The following FNDC8 variants were observed in gnomAD, a reference collection of about 807,000 sequenced individuals.
FNDC8 encodes the protein fibronectin type III domain containing 8, also known as fibronectin type III domain-containing protein 8.
A neutral mutation model predicts 24.8 loss-of-function variants in FNDC8; 23 were observed. The observed-to-expected ratio is 0.93, with a 90% CI of 0.67 to 1.31. The LOEUF (loss-of-function observed/expected upper bound fraction) is 1.31. Ranked by LOEUF, FNDC8 falls within the 40% of genes most tolerant of loss-of-function variation. The pLI is 0.00. For missense variants in FNDC8, 371 were observed against 398.2 expected, an observed-to-expected ratio of 0.93 and a Z score of 0.58; for synonymous variants, 158 against 165.3, an observed-to-expected ratio of 0.96 and a Z score of 0.34.
At chr17:35,126,544 C>T (rs1407474061) in intron 1 of FNDC8, among the ~76,000 whole-genome samples, 2 of 149,384 alleles carry the variant, frequency 1.3e-5, no homozygotes, top group Non-Finnish European at 1.5e-5. Context: ...ACTCTGTCAC[C>T]CAGGCTGGAG....
In FNDC8 at chr17:35,127,146, C is replaced by A; in HGVS notation, c.314C>A (p.Pro105His). The A allele has an allele frequency of 1.2e-6, 2 of 1,614,202 alleles. No individual in the cohort carries two copies. Among genetic ancestry groups the A allele is most frequent in the South Asian group, 2.2e-5 (2 of 91,084 alleles). The change falls in exon 2 of 4, where the codon CCC (proline) becomes CAC (histidine). Residue 105 changes from proline (P) to histidine (H), a missense_variant. Pro to His is a moderately conservative substitution (Grantham distance 77). Transcript: ENST00000158009. Reference sequence around the variant, plus strand: ...CCCATCAAATTAGCTGTGACCCAGCCCAACAGCAGCTTCTTTGCAGGGATG... The same window carrying A: ...CCCATCAAATTAGCTGTGACCCAGCACAACAGCAGCTTCTTTGCAGGGATG... ...LNPIKLAVTQ[P>H]NSSFFAGMLE... is the part of the protein sequence containing the mutation.
At position 35,130,684 on chromosome 17, in the gene FNDC8, T is replaced by C. The variant is rs991574393; in HGVS notation, c.*250T>C. 2 of 503,956 alleles carry C rather than the reference T, an allele frequency of 4.0e-6. No homozygotes were observed. Among genetic ancestry groups the C allele is most frequent in the Non-Finnish European group, 7.1e-6 (2 of 281,530 alleles). The allele number at this position is 503,956 out of a possible 1,614,324, so 31.2% of individuals were successfully genotyped here. On this transcript the variant is annotated 3_prime_UTR_variant, in exon 4 of 4. Coordinates refer to ENST00000158009, the MANE Select transcript of FNDC8 (RefSeq NM_017559.4). Reference sequence around the variant, plus strand: ...CTGCTAGACTCCCTCCTCCTCCAAATCTGGGCTGGGTCTAGGTCCCTCATT... The same window carrying C: ...CTGCTAGACTCCCTCCTCCTCCAAACCTGGGCTGGGTCTAGGTCCCTCATT...
Position 35,130,569 on chromosome 17 carries a change from C to A in FNDC8, c.*135C>A. 1 of 937,150 alleles carries A rather than the reference C, an allele frequency of 1.1e-6. No individual in the cohort carries two copies. Among genetic ancestry groups the A allele is most frequent in the Non-Finnish European group, 1.6e-6 (1 of 642,706 alleles). 58.1% of individuals were successfully genotyped at this position (937,150 alleles called of 1,614,324 possible). A position where few individuals can be genotyped will look rare whatever the true frequency, so the allele number is the denominator to read the frequency against. On this transcript the variant is annotated 3_prime_UTR_variant, in exon 4 of 4. Transcript: ENST00000158009. ...CTGGCAGAGTGGTATGGGCACCCCA[C>A]CCCTGGGCTGGGGCCAAGGCTACAT...
intron 1 of FNDC8, among the ~76,000 whole-genome samples, chr17:35,126,348 G>C (rs2091849052): frequency 6.6e-6 from 1 of 152,088 alleles, no homozygotes; most frequent in Non-Finnish European, 1.5e-5. Context: ...ATAAACATTA[G>C]TGAAATTGAA....
intron 1 of FNDC8, 96 bp from the exon 2 acceptor site, chr17:35,126,946 G>A: frequency 6.9e-7 from 1 of 1,454,416 alleles, no homozygotes. Context: ...CAAATGGCTG[G>A]GGATGCTGGT....
intron 1 of FNDC8, 140 bp downstream of exon 1, chr17:35,122,042 T>C: frequency 1.5e-6 from 1 of 650,576 alleles, no homozygotes; most frequent in Non-Finnish European, 2.6e-6. Context: ...TGGAGTGCAG[T>C]GGTGCAATCT....
rs1466711490 is a variant in FNDC8 at position 35,130,641 on chromosome 17, C to T, written c.*207C>T. The T allele has an allele frequency of 7.0e-6, 4 of 571,796 alleles. No individual in the cohort carries two copies. Among genetic ancestry groups the T allele is most frequent in the African/African-American group, 5.6e-5 (3 of 53,328 alleles). 35.4% of individuals were successfully genotyped at this position (571,796 alleles called of 1,614,324 possible). A position where few individuals can be genotyped will look rare whatever the true frequency, so the allele number is the denominator to read the frequency against. On this transcript the variant is annotated 3_prime_UTR_variant, in exon 4 of 4. Coordinates refer to ENST00000158009, the MANE Select transcript of FNDC8 (RefSeq NM_017559.4). ...GCATCTCAGGCCAGGCCATGCCAGG[C>T]TCAGCCACTGCCCACAGCTGCTAGA... is the stretch of plus-strand genomic sequence containing the variant.
chr17:35,126,776 A>G (rs969655178), intron 1 of FNDC8, among the ~76,000 whole-genome samples: 1 of 152,238 alleles, frequency 6.6e-6, no homozygotes, highest in Non-Finnish European at 1.5e-5. Context: ...CTGGGATTAT[A>G]GGCGTGAGCC....
intron 1 of FNDC8, among the ~76,000 whole-genome samples, chr17:35,122,210 A>ATTAAT (rs2091832366): frequency 2.2e-5 from 1 of 44,800 alleles, no homozygotes; most frequent in Non-Finnish European, 4.3e-5. Flanking sequence ...ATATATATAA[A>ATTAAT]TTTTTTTTTT....
intron 3 of FNDC8, 196 bp from the exon 4 acceptor site, chr17:35,130,086 G>C: frequency 9.8e-6 from 14 of 1,421,952 alleles, no homozygotes; most frequent in Non-Finnish European, 1.3e-5. Context: ...CCCTTTGGTT[G>C]GAAATATCCC....
At chr17:35,124,457 G>C (rs771664715) in intron 1 of FNDC8, among the ~76,000 whole-genome samples, 1 of 152,114 alleles carries the variant, frequency 6.6e-6, no homozygotes, top group African/African-American at 2.4e-5. Flanking sequence ...CACCCAGGAG[G>C]CGGAGGTTGC....
intron 3 of FNDC8, 70 bp downstream of exon 3, chr17:35,129,728 G>C: frequency 6.4e-7 from 1 of 1,557,584 alleles, no homozygotes; most frequent in Non-Finnish European, 8.7e-7. Context: ...GGGCTTTGGA[G>C]GTTGGGAACA....
chr17:35,126,572 G>A (rs555150927), intron 1 of FNDC8, among the ~76,000 whole-genome samples: 2 of 142,970 alleles, frequency 1.4e-5, no homozygotes, highest in South Asian at 2.2e-4. Context: ...GTGTGATCTC[G>A]GCTCACTGCA....
At chr17:35,125,063 GAA>G (rs2091844019) in intron 1 of FNDC8, among the ~76,000 whole-genome samples, 1 of 142,374 alleles carries the variant, frequency 7.0e-6, no homozygotes, top group East Asian at 2.1e-4. Flanking sequence ...AAAAAAAAAA[GAA>G]AAAAGAGTAA....
chr17:35,127,465 C>G (rs1245644302), intron 2 of FNDC8, 48 bp downstream of exon 2: 2 of 1,500,752 alleles, frequency 1.3e-6, no homozygotes, highest in Admixed American at 4.5e-5. Flanking sequence ...TTGTGCCAGG[C>G]ACTGAGCTGA....
At chr17:35,130,011 C>T (rs966781999) in intron 3 of FNDC8, 7 of 1,369,780 alleles carry the variant, frequency 5.1e-6, no homozygotes, top group Admixed American at 3.2e-5. Context: ...TAAAGGGGGA[C>T]GAAGAAGGGA....
chr17:35,124,638 G>A (rs1372458438), intron 1 of FNDC8, among the ~76,000 whole-genome samples: 1 of 152,186 alleles, frequency 6.6e-6, no homozygotes, highest in African/African-American at 2.4e-5. Flanking sequence ...AGTTATAGGC[G>A]TATATATGCA....
intron 3 of FNDC8, 72 bp downstream of exon 3, chr17:35,129,730 T>C (rs755335368): frequency 9.0e-6 from 14 of 1,555,744 alleles, no homozygotes; most frequent in Non-Finnish European, 1.2e-5. Flanking sequence ...GCTTTGGAGG[T>C]TGGGAACACC....
chr17:35,122,178 A>T (rs2091830184), intron 1 of FNDC8, among the ~76,000 whole-genome samples: 1 of 27,846 alleles, frequency 3.6e-5, no homozygotes, highest in Non-Finnish European at 5.8e-5. Context: ...ATATATATAT[A>T]TATATATATA....
Sources: gnomAD v4.1 joint callset for allele counts (sites outside exome capture counted in the v4.1 genomes callset) on GRCh38, gnomAD v4.1.1 for gene constraint, MANE v1.5 for transcripts, NCBI Gene and HGNC (gene_info 2026-07-23, HGNC 2026-07-21) for gene names.